The following SH3BGRL variants were observed in gnomAD, a reference collection of about 807,000 sequenced individuals.
SH3BGRL encodes the protein SH3 domain binding glutamate rich protein like, also known as adapter SH3BGRL.
A neutral mutation model predicts 9.8 loss-of-function variants in SH3BGRL; 7 were observed. That is an observed-to-expected ratio of 0.72 (90% CI 0.41 to 1.35). The LOEUF (loss-of-function observed/expected upper bound fraction) is 1.35, where lower values mean the gene tolerates loss of function less well. Among genes scored for constraint, SH3BGRL ranks in the 40% most tolerant of loss-of-function variants. The pLI is 0.01. For synonymous variants in SH3BGRL, 36 were observed against 29.1 expected, an observed-to-expected ratio of 1.24 and a Z score of -0.76; for missense variants, 73 against 84.4, an observed-to-expected ratio of 0.86 and a Z score of 0.53.
intron 1 of SH3BGRL, among the ~76,000 whole-genome samples, chrX:81,238,536 C>G (rs2075656145): frequency 8.9e-6 from 1 of 111,982 alleles, no homozygotes; most frequent in African/African-American, 3.3e-5. Flanking sequence ...TCCTGCACAA[C>G]ACCTTTGAAT....
chrX:81,211,662 A>G (rs2075565070), intron 1 of SH3BGRL, among the ~76,000 whole-genome samples: 1 of 111,296 alleles, frequency 9.0e-6, no homozygotes, highest in African/African-American at 3.3e-5. Context: ...ATCAGCTTCC[A>G]GCAAATATAA....
intron 1 of SH3BGRL, among the ~76,000 whole-genome samples, chrX:81,260,986 A>G (rs753173583): frequency 9.2e-6 from 1 of 108,654 alleles, no homozygotes; most frequent in South Asian, 4.4e-4. Flanking sequence ...TAAAAAAAGG[A>G]AGCAAAATCA....
intron 3 of SH3BGRL, among the ~76,000 whole-genome samples, chrX:81,285,629 T>C (rs1462463105): frequency 8.9e-6 from 1 of 112,043 alleles, no homozygotes; most frequent in African/African-American, 3.2e-5. Flanking sequence ...AATTCATGCA[T>C]TGAATGGACT....
intron 3 of SH3BGRL, among the ~76,000 whole-genome samples, chrX:81,296,377 G>A (rs1263188477): frequency 8.9e-6 from 1 of 111,892 alleles, no homozygotes; most frequent in Non-Finnish European, 1.9e-5. Context: ...TAAAGGATAT[G>A]AAGAATGAAT....
chrX:81,256,603 C>A (rs1238777630), intron 1 of SH3BGRL, among the ~76,000 whole-genome samples: 3 of 111,821 alleles, frequency 2.7e-5, no homozygotes, highest in African/African-American at 3.2e-5. Context: ...TACAAAGTAG[C>A]CTATCTTGTT....
intron 1 of SH3BGRL, among the ~76,000 whole-genome samples, chrX:81,253,269 T>G (rs1297388978): frequency 8.9e-6 from 1 of 112,137 alleles, no homozygotes; most frequent in Admixed American, 9.4e-5. Context: ...AACAAGAGAG[T>G]GATGAAGGAA....
At chrX:81,251,640 A>T (rs1260721212) in intron 1 of SH3BGRL, among the ~76,000 whole-genome samples, 1 of 111,867 alleles carries the variant, frequency 8.9e-6, no homozygotes. Context: ...TGATATAAGT[A>T]TTTAAAATGT....
chrX:81,256,581 A>T (rs1039376833), intron 1 of SH3BGRL, among the ~76,000 whole-genome samples: 3 of 111,805 alleles, frequency 2.7e-5, no homozygotes, highest in Non-Finnish European at 5.7e-5. Flanking sequence ...TCCTTCAAAC[A>T]TTTACTGGGC....
At chrX:81,231,209 C>T (rs866528159) in intron 1 of SH3BGRL, among the ~76,000 whole-genome samples, 24 of 111,903 alleles carry the variant, frequency 2.1e-4, no homozygotes, top group Middle Eastern at 4.6e-3. Context: ...CAAAAGCTTC[C>T]GCCAATAAGA....
intron 1 of SH3BGRL, among the ~76,000 whole-genome samples, chrX:81,205,506 A>G (rs12008169): frequency 0.013 from 970 of 72,172 alleles, 4 homozygotes; most frequent in East Asian, 0.086. Context: ...GTGTGTGTGT[A>G]TATATATATA....
chrX:81,274,935 C>T (rs1410078604), intron 1 of SH3BGRL, among the ~76,000 whole-genome samples: 1 of 110,998 alleles, frequency 9.0e-6, no homozygotes, highest in African/African-American at 3.3e-5. Context: ...GTAGAACACA[C>T]TAGTAGGTAT....
intron 1 of SH3BGRL, among the ~76,000 whole-genome samples, chrX:81,254,799 G>C (rs2075720430): frequency 9.0e-6 from 1 of 111,694 alleles, no homozygotes; most frequent in South Asian, 3.7e-4. Context: ...GTGCAGCCTT[G>C]AAGAGGCATT....
At chrX:81,278,556 T>C (rs1012480942) in intron 3 of SH3BGRL, 145 bp downstream of exon 3, 2 of 431,148 alleles carry the variant, frequency 4.6e-6, no homozygotes, top group Non-Finnish European at 8.1e-6. Flanking sequence ...TGCATCCACT[T>C]AATTCCTATT....
intron 1 of SH3BGRL, among the ~76,000 whole-genome samples, chrX:81,239,786 A>T (rs1900586497): frequency 8.9e-6 from 1 of 112,427 alleles, no homozygotes; most frequent in South Asian, 3.6e-4. Flanking sequence ...GAGAAAATAA[A>T]TAACATACAA....
chrX:81,214,943 T>A (rs977638958), intron 1 of SH3BGRL, among the ~76,000 whole-genome samples: 2 of 111,600 alleles, frequency 1.8e-5, no homozygotes, highest in African/African-American at 3.3e-5. Flanking sequence ...TACTTTACAC[T>A]TATTTTCCCT....
At chrX:81,205,944 A>T (rs2075546521) in intron 1 of SH3BGRL, among the ~76,000 whole-genome samples, 1 of 110,653 alleles carries the variant, frequency 9.0e-6, no homozygotes, top group Non-Finnish European at 1.9e-5. Context: ...TTTGATTTGC[A>T]TTTTCCTGAT....
At chrX:81,251,861 G>A (rs1053026246) in intron 1 of SH3BGRL, among the ~76,000 whole-genome samples, 2 of 111,825 alleles carry the variant, frequency 1.8e-5, no homozygotes, top group African/African-American at 6.5e-5. Context: ...TATGGAAAAA[G>A]CATTAATCAT....
intron 3 of SH3BGRL, among the ~76,000 whole-genome samples, chrX:81,289,863 C>CA (rs1196695840): frequency 2.7e-5 from 3 of 109,656 alleles, no homozygotes; most frequent in Non-Finnish European, 5.7e-5. Flanking sequence ...CTCAAACAAA[C>CA]AAAAAACAAC....
chrX:81,225,075 C>T (rs1228457224), intron 1 of SH3BGRL, among the ~76,000 whole-genome samples: 1 of 110,494 alleles, frequency 9.1e-6, no homozygotes, highest in East Asian at 2.8e-4. Context: ...GACTATATTT[C>T]ACTCAATACT....
Sources: gnomAD v4.1 joint callset for allele counts (sites outside exome capture counted in the v4.1 genomes callset) on GRCh38, gnomAD v4.1.1 for gene constraint, MANE v1.5 for transcripts, NCBI Gene and HGNC (gene_info 2026-07-23, HGNC 2026-07-21) for gene names.